HIP1: variants seen among roughly 807,000 people sequenced by gnomAD.
The protein encoded by HIP1 is huntingtin-interacting protein 1.
HIP1 carries 65 observed loss-of-function variants against 147.6 expected under a neutral mutation model. The observed-to-expected ratio is 0.44, with a 90% confidence interval of 0.36 to 0.54. HIP1 has a LOEUF of 0.54. HIP1 is among the 20% of genes least tolerant of loss of function. HIP1 has a pLI of 0.00. For synonymous variants in HIP1, 479 were observed against 504.0 expected, an observed-to-expected ratio of 0.95 and a Z score of 0.67; for missense variants, 1,061 against 1,299.6, an observed-to-expected ratio of 0.82 and a Z score of 2.82.
intron 1 of HIP1, among the ~76,000 whole-genome samples, chr7:75,627,182 G>A (rs1051487281): frequency 2.0e-5 from 3 of 152,168 alleles, no homozygotes; most frequent in Non-Finnish European, 4.4e-5. Flanking sequence ...CGGGGACAGA[G>A]AAGCCAAAGT....
At chr7:75,676,384 AG>A (rs1244365269) in intron 1 of HIP1, among the ~76,000 whole-genome samples, 1 of 152,138 alleles carries the variant, frequency 6.6e-6, no homozygotes, top group Admixed American at 6.6e-5. Context: ...GGTCAGTCCA[AG>A]GGGGGTTATT....
At chr7:75,595,230 TTCTTTCTTTCTTTCTTTC>T (rs1563230129) in intron 2 of HIP1, among the ~76,000 whole-genome samples, 1 of 109,068 alleles carries the variant, frequency 9.2e-6, no homozygotes, top group African/African-American at 4.3e-5. Flanking sequence ...CTTTCTTTCT[TTCTTTCTTTCTTTCTTTC>T]TTTCTTCCTT....
intron 1 of HIP1, among the ~76,000 whole-genome samples, chr7:75,621,491 A>G (rs189693963): frequency 3.4e-4 from 52 of 152,278 alleles, no homozygotes; most frequent in African/African-American, 1.2e-3. Context: ...CCTGGCCCCA[A>G]GCGATCCTCC....
intron 1 of HIP1, among the ~76,000 whole-genome samples, chr7:75,687,485 A>G (rs186301516): frequency 1.3e-5 from 2 of 152,324 alleles, no homozygotes; most frequent in East Asian, 3.9e-4. Context: ...TGAGGTCAGG[A>G]GTTCGAGACC....
At chr7:75,564,587 C>A (rs1795341135) in intron 9 of HIP1, among the ~76,000 whole-genome samples, 1 of 151,276 alleles carries the variant, frequency 6.6e-6, no homozygotes, top group Non-Finnish European at 1.5e-5. Flanking sequence ...AGCCAATGTG[C>A]CCTGCCTATT....
At chr7:75,570,047 G>A (rs1490613432) in intron 8 of HIP1, among the ~76,000 whole-genome samples, 6 of 151,470 alleles carry the variant, frequency 4.0e-5, no homozygotes, top group African/African-American at 1.2e-4. Flanking sequence ...CAATTCTCCT[G>A]CCTCAGCTCC....
chr7:75,543,699 T>C (rs1458139464), intron 27 of HIP1, among the ~76,000 whole-genome samples: 2 of 152,172 alleles, frequency 1.3e-5, no homozygotes, highest in Admixed American at 6.5e-5. Flanking sequence ...CCAGGTAACC[T>C]GTTCATGATG....
chr7:75,538,723 C>T (rs1203707486), intron 30 of HIP1, among the ~76,000 whole-genome samples: 1 of 152,054 alleles, frequency 6.6e-6, no homozygotes, highest in Non-Finnish European at 1.5e-5. Flanking sequence ...TACAGGCGCC[C>T]ACCACCACGC....
At chr7:75,685,154 T>C (rs1183842459) in intron 1 of HIP1, among the ~76,000 whole-genome samples, 2 of 151,728 alleles carry the variant, frequency 1.3e-5, no homozygotes, top group African/African-American at 4.8e-5. Context: ...CTAGGCAGAG[T>C]GTAATCCTGG....
At chr7:75,699,732 A>C (rs1210782991) in intron 1 of HIP1, among the ~76,000 whole-genome samples, 1 of 152,124 alleles carries the variant, frequency 6.6e-6, no homozygotes, top group Admixed American at 6.6e-5. Flanking sequence ...GTCCAGGCCT[A>C]CCAGACCCTG....
At chr7:75,540,197 G>A (rs1259321277) in intron 29 of HIP1, among the ~76,000 whole-genome samples, 3 of 152,112 alleles carry the variant, frequency 2.0e-5, no homozygotes, top group African/African-American at 4.8e-5. Context: ...GGAGGCCAAC[G>A]TGGGTGGATC....
At position 75,542,845 on chromosome 7, in the gene HIP1, G is replaced by A. The variant is rs782372539; in HGVS notation, c.2890+6C>T. On this transcript the variant is annotated splice_donor_region_variant and intron_variant, in intron 28 of 30. Coordinates refer to ENST00000336926, the MANE Select transcript of HIP1 (RefSeq NM_005338.7). ...GGTAAGAAAAGGGTCCCTTTGGAAAGGCTACCTGTCTCTTCGATCTGTGAT... is the reference window on the plus strand; with the variant it reads ...GGTAAGAAAAGGGTCCCTTTGGAAAAGCTACCTGTCTCTTCGATCTGTGAT... 2 of 1,613,818 alleles carry A rather than the reference G, an allele frequency of 1.2e-6. No homozygotes were observed. Among genetic ancestry groups the A allele is most frequent in the Non-Finnish European group, 1.7e-6 (2 of 1,179,944 alleles).
intron 1 of HIP1, among the ~76,000 whole-genome samples, chr7:75,667,603 A>T (rs62475508): frequency 0.13 from 19,763 of 152,182 alleles, 1,365 homozygotes; most frequent in East Asian, 0.17. Context: ...CTCCCATCTC[A>T]GCCTCCCAAG....
chr7:75,703,230 C>A (rs188921911), intron 1 of HIP1, among the ~76,000 whole-genome samples: 24 of 152,216 alleles, frequency 1.6e-4, no homozygotes, highest in African/African-American at 5.3e-4. Flanking sequence ...TGCTTGTAAT[C>A]CCAGCTACTT....
rs868938295 is a variant in HIP1 at position 75,610,938 on chromosome 7, A to T, written c.121-11691T>A. Among the ~76,000 whole-genome samples, 5 of 149,814 alleles carry T rather than the reference A, an allele frequency of 3.3e-5. No homozygotes were observed. The South Asian group carries it at 1.0e-3, about 31-fold the overall frequency. On this transcript the variant is annotated intron_variant, in intron 1 of 30. Coordinates refer to ENST00000336926, the MANE Select transcript of HIP1 (RefSeq NM_005338.7). Reference sequence around the variant, plus strand: ...TTTTTTGAGATGGGAGTTTCACTCCATTTGTCTCCCAAGCTGGAGTGCAGT... The same window carrying T: ...TTTTTTGAGATGGGAGTTTCACTCCTTTTGTCTCCCAAGCTGGAGTGCAGT...
intron 1 of HIP1, among the ~76,000 whole-genome samples, chr7:75,729,259 A>T (rs1801753708): frequency 7.2e-6 from 1 of 138,094 alleles, no homozygotes; most frequent in Non-Finnish European, 1.5e-5. Flanking sequence ...GCTTCAGGCC[A>T]GGAGTTTGAG....
intron 1 of HIP1, among the ~76,000 whole-genome samples, chr7:75,622,871 ATC>A (rs1563251958): frequency 1.4e-5 from 2 of 143,646 alleles, no homozygotes; most frequent in African/African-American, 5.7e-5. Context: ...CTATCTATCT[ATC>A]TATCTATCTA....
chr7:75,691,390 C>G (rs1800448347), intron 1 of HIP1, among the ~76,000 whole-genome samples: 1 of 151,984 alleles, frequency 6.6e-6, no homozygotes, highest in Non-Finnish European at 1.5e-5. Context: ...ACTTGGGAGG[C>G]TGAGGCAGGA....
At chr7:75,583,909 T>A (rs1796155554) in intron 5 of HIP1, among the ~76,000 whole-genome samples, 1 of 150,690 alleles carries the variant, frequency 6.6e-6, no homozygotes, top group Non-Finnish European at 1.5e-5. Flanking sequence ...ATTACAGGTG[T>A]GAGCCACCAC....
Sources: gnomAD v4.1 joint callset for allele counts (sites outside exome capture counted in the v4.1 genomes callset) on GRCh38, gnomAD v4.1.1 for gene constraint, MANE v1.5 for transcripts, NCBI Gene and HGNC (gene_info 2026-07-23, HGNC 2026-07-21) for gene names.